The following SFMBT1 variants were observed in gnomAD, a reference collection of about 807,000 sequenced individuals.
SFMBT1 encodes the protein scm-like with four MBT domains protein 1.
SFMBT1 carries 32 observed loss-of-function variants against 108.7 expected under a neutral mutation model. That is an observed-to-expected ratio of 0.29 (90% CI 0.22 to 0.40). SFMBT1 has a LOEUF of 0.40. Ranked by LOEUF, SFMBT1 falls within the 10% of genes least tolerant of loss-of-function variation. SFMBT1 has a pLI of 1.00. For synonymous variants in SFMBT1, 348 were observed against 369.5 expected (o/e 0.94, Z 0.67); for missense variants, 816 against 1,059.6 (o/e 0.77, Z 3.19).
intron 1 of SFMBT1, among the ~76,000 whole-genome samples, chr3:52,971,208 T>C (rs1559531910): frequency 6.6e-6 from 1 of 152,146 alleles, no homozygotes; most frequent in South Asian, 2.1e-4. Flanking sequence ...TAACTAGCTA[T>C]GCAATCTGAT....
chr3:52,920,260 C>T (rs924472267), intron 12 of SFMBT1, among the ~76,000 whole-genome samples: 1 of 152,190 alleles, frequency 6.6e-6, no homozygotes, highest in Non-Finnish European at 1.5e-5. Context: ...ATCCTCCCCA[C>T]GTTGAGCCTT....
At position 53,003,541 on chromosome 3, in the gene SFMBT1, C is replaced by T. The variant is rs1399721514; in HGVS notation, c.-130-34283G>A. Among the ~76,000 whole-genome samples, 2 of 149,742 alleles carry T rather than the reference C, an allele frequency of 1.3e-5. 1 individual carries two copies. Among genetic ancestry groups the T allele is most frequent in the Admixed American group, 1.4e-4 (2 of 14,748 alleles). ...TAACATGATATTCTCTCCGTTTTTC[C>T]GTATGCTCAAATACCTCCATGATAA... On this transcript the variant is annotated intron_variant, in intron 1 of 20. Coordinates refer to ENST00000394752, the MANE Select transcript of SFMBT1 (RefSeq NM_016329.4).
At chr3:53,008,377 G>A (rs1173365853) in intron 1 of SFMBT1, among the ~76,000 whole-genome samples, 20 of 152,114 alleles carry the variant, frequency 1.3e-4, no homozygotes, top group Admixed American at 1.3e-3. Context: ...TGTTTCAAAA[G>A]TTTTCAAAAA....
chr3:52,953,783 T>C (rs763816946), intron 3 of SFMBT1, among the ~76,000 whole-genome samples: 18 of 152,202 alleles, frequency 1.2e-4, no homozygotes, highest in Non-Finnish European at 2.1e-4. Flanking sequence ...GTCAAAAAGA[T>C]AAGTCATGCA....
Position 52,994,692 on chromosome 3 carries a change from G to A in SFMBT1, c.-130-25434C>T, listed in dbSNP as rs1698255979. 1.3e-5 allele frequency among the ~76,000 whole-genome samples: 2 copies of A among 150,040 alleles called. 1 individual carries two copies. The highest frequency in any genetic ancestry group is 4.2e-4 in the South Asian group (2 of 4,712). On this transcript the variant is annotated intron_variant, in intron 1 of 20. Transcript: ENST00000394752. ...TTTTTATATTTTTAGTAGAGATGGGGTTTCACTGTGTTGGCCGGGCTGGTC... is the reference window on the plus strand; with the variant it reads ...TTTTTATATTTTTAGTAGAGATGGGATTTCACTGTGTTGGCCGGGCTGGTC...
In SFMBT1 at chr3:52,926,094, A is replaced by G; in HGVS notation, c.1068T>C (p.Phe356=). 1 of 1,604,544 alleles carries G rather than the reference A, an allele frequency of 6.2e-7. No homozygotes were observed. Among genetic ancestry groups the G allele is most frequent in the South Asian group, 1.1e-5 (1 of 89,890 alleles). Residue 356 remains phenylalanine, a synonymous_variant, in exon 10 of 21, where the codon TTT becomes TTC. Transcript: ENST00000394752. ...ACTGTTTGAGGTAGTCAGCCCAGTC[A>G]AAGTCCTGGCTTGGGTAGCCTAGGT... ...SPPPGYPSQD[F]DWADYLKQCG...
At chr3:52,985,531 T>G (rs1212681017) in intron 1 of SFMBT1, among the ~76,000 whole-genome samples, 1 of 152,266 alleles carries the variant, frequency 6.6e-6, no homozygotes, top group Non-Finnish European at 1.5e-5. Context: ...AATCCTATTC[T>G]GCTTAACTCA....
chr3:53,013,565 A>C (rs1245010646), intron 1 of SFMBT1, among the ~76,000 whole-genome samples: 1 of 149,228 alleles, frequency 6.7e-6, no homozygotes, highest in Non-Finnish European at 1.5e-5. Flanking sequence ...TAATCCATTA[A>C]TAGTAAATTT....
At chr3:52,913,812 A>C (rs958850724) in intron 14 of SFMBT1, among the ~76,000 whole-genome samples, 195 bp from the exon 15 acceptor site, 1 of 152,192 alleles carries the variant, frequency 6.6e-6, no homozygotes, top group African/African-American at 2.4e-5. Flanking sequence ...ACTCTGCTGA[A>C]ATCAAAGAGG....
At chr3:52,933,527 T>C (rs1327402727) in intron 5 of SFMBT1, among the ~76,000 whole-genome samples, 5 of 152,086 alleles carry the variant, frequency 3.3e-5, no homozygotes, top group Non-Finnish European at 7.4e-5. Flanking sequence ...CAAAGGGACA[T>C]ATGAAAAAGT....
intron 1 of SFMBT1, among the ~76,000 whole-genome samples, chr3:53,039,035 C>G (rs1273976324): frequency 1.3e-5 from 2 of 152,178 alleles, no homozygotes; most frequent in African/African-American, 4.8e-5. Context: ...CAATGTTACC[C>G]TGGACTCCTG....
rs1182332016 is a variant in SFMBT1, at chr3:52,934,967, C to T, written c.365-66G>A. 11 of 1,269,204 alleles carry T rather than the reference C, an allele frequency of 8.7e-6. No homozygotes were observed. In the Admixed American group the frequency reaches 1.7e-4, roughly 19 times the overall value. 78.6% of individuals were successfully genotyped at this position (1,269,204 alleles called of 1,614,324 possible). A position where few individuals can be genotyped will look rare whatever the true frequency, so the allele number is the denominator to read the frequency against. Reference sequence around the variant, plus strand: ...CCACAGAATGCAGAGAAACCGAAATCAGTGGAGATGGTTTAAAGGTATTTC... The same window carrying T: ...CCACAGAATGCAGAGAAACCGAAATTAGTGGAGATGGTTTAAAGGTATTTC... On this transcript the variant is annotated intron_variant, in intron 4 of 20. Transcript: ENST00000394752.
intron 1 of SFMBT1, among the ~76,000 whole-genome samples, chr3:53,009,318 T>C (rs28696085): frequency 0.097 from 14,710 of 151,402 alleles, 1,990 homozygotes; most frequent in African/African-American, 0.29. Flanking sequence ...CATGGTGACA[T>C]ATGCCTGTAA....
chr3:52,944,509 ATTTC>A (rs1703292957), intron 3 of SFMBT1, among the ~76,000 whole-genome samples: 2 of 152,018 alleles, frequency 1.3e-5, no homozygotes, highest in South Asian at 4.1e-4. Flanking sequence ...ACAAATTTTG[ATTTC>A]TTTCTTTTCT....
At chr3:53,009,798 A>G (rs1229892141) in intron 1 of SFMBT1, among the ~76,000 whole-genome samples, 1 of 152,254 alleles carries the variant, frequency 6.6e-6, no homozygotes, top group Non-Finnish European at 1.5e-5. Context: ...TTCTTACAAT[A>G]AAATAAACTA....
intron 1 of SFMBT1, among the ~76,000 whole-genome samples, chr3:53,030,353 T>C (rs1317451677): frequency 6.6e-6 from 1 of 152,062 alleles, no homozygotes; most frequent in Non-Finnish European, 1.5e-5. Flanking sequence ...AATAGTGGCC[T>C]ACAGAAGGGA....
chr3:53,000,228 T>C (rs936894614), intron 1 of SFMBT1, among the ~76,000 whole-genome samples: 16 of 149,144 alleles, frequency 1.1e-4, no homozygotes, highest in Admixed American at 4.8e-4. Flanking sequence ...TTCGGTTTTA[T>C]TCCTCCCTTT....
At chr3:52,968,045 A>T (rs1704207749) in intron 2 of SFMBT1, among the ~76,000 whole-genome samples, 1 of 152,216 alleles carries the variant, frequency 6.6e-6, no homozygotes, top group Admixed American at 6.5e-5. Flanking sequence ...AAACAACCAA[A>T]ATGTACTACA....
chr3:52,917,624 C>T (rs1458249241), intron 13 of SFMBT1, among the ~76,000 whole-genome samples: 2 of 152,154 alleles, frequency 1.3e-5, no homozygotes, highest in East Asian at 3.8e-4. Context: ...GGAATGGGGC[C>T]GCACAGCAGG....
Sources: allele counts gnomAD v4.1 joint callset (sites outside exome capture counted in the v4.1 genomes callset), GRCh38; gene constraint gnomAD v4.1.1; transcripts MANE v1.5; gene names NCBI Gene and HGNC (gene_info 2026-07-23, HGNC 2026-07-21).